Variants in SPDYA observed in about 807,000 individuals in gnomAD.
The protein encoded by SPDYA is speedy protein A.
Under a neutral mutation model 36.7 loss-of-function variants are expected in SPDYA, and 11 were observed. That is an observed-to-expected ratio of 0.30 (90% CI 0.19 to 0.50). SPDYA has a LOEUF of 0.50. Ranked by LOEUF, SPDYA falls within the 20% of genes least tolerant of loss-of-function variation. The pLI is 0.98. For missense variants in SPDYA, 287 were observed against 370.9 expected (o/e 0.77, Z 1.86); for synonymous variants, 115 against 118.7 (o/e 0.97, Z 0.20).
Position 28,815,980 on chromosome 2 carries a change from A to G in SPDYA, c.-18-17A>G, listed in dbSNP as rs1339273017. Reference sequence around the variant, plus strand: ...ATGAATGTGTGTGATGAATAATTGTATGTTTTATTTTTACAGGAATATTGG... The same window carrying G: ...ATGAATGTGTGTGATGAATAATTGTGTGTTTTATTTTTACAGGAATATTGG... On this transcript the variant is annotated splice_polypyrimidine_tract_variant and intron_variant, in intron 2 of 7. Transcript: ENST00000334056. 2 of 1,499,780 alleles carry G rather than the reference A, an allele frequency of 1.3e-6. No homozygotes were observed. Among genetic ancestry groups the G allele is most frequent in the East Asian group, 4.5e-5 (2 of 44,254 alleles). The allele number at this position is 1,499,780 out of a possible 1,614,324, so 92.9% of individuals were successfully genotyped here.
chr2:28,826,803 A>T (rs1237970568), intron 5 of SPDYA, among the ~76,000 whole-genome samples: 1 of 149,904 alleles, frequency 6.7e-6, no homozygotes, highest in East Asian at 2.0e-4. Context: ...TTTTGTAGAG[A>T]TGGGGTTTCT....
intron 4 of SPDYA, 29 bp from the exon 5 acceptor site, chr2:28,822,296 A>T: frequency 9.1e-7 from 1 of 1,096,372 alleles, no homozygotes; most frequent in African/African-American, 1.6e-5. Context: ...CAAAACATTA[A>T]TATTAATTTT....
intron 1 of SPDYA, among the ~76,000 whole-genome samples, chr2:28,812,469 A>G (rs76346420): frequency 6.7e-5 from 10 of 149,158 alleles, no homozygotes; most frequent in Admixed American, 2.0e-4. Context: ...TACCAAAAAA[A>G]AAAGAAAGAA....
In SPDYA at chr2:28,843,577, G is replaced by C. The variant is rs1479980538; in HGVS notation, c.850+3108G>C. 2.0e-5 allele frequency among the ~76,000 whole-genome samples: 3 copies of C among 148,596 alleles called. 1 individual carries two copies. The highest frequency in any genetic ancestry group is 2.0e-4 in the Admixed American group (3 of 14,870). On this transcript the variant is annotated intron_variant, in intron 7 of 7. Transcript: ENST00000334056. ...AAAAAAAAAAAAAAAATTGACTTTT[G>C]GGAAAGATAGATGAAGCATTCTTTT...
intron 4 of SPDYA, among the ~76,000 whole-genome samples, chr2:28,819,471 G>T (rs747118484): frequency 5.3e-5 from 8 of 151,984 alleles, no homozygotes; most frequent in Non-Finnish European, 1.2e-4. Context: ...TTGTGCCACT[G>T]CATTCCAGCT....
At chr2:28,848,355 A>C (rs1328709674) in intron 7 of SPDYA, among the ~76,000 whole-genome samples, 1 of 152,168 alleles carries the variant, frequency 6.6e-6, no homozygotes, top group East Asian at 1.9e-4. Flanking sequence ...GCATGGCCTC[A>C]TCCCCATCTA....
At chr2:28,818,555 T>G (rs1558321640) in intron 3 of SPDYA, among the ~76,000 whole-genome samples, 1 of 152,164 alleles carries the variant, frequency 6.6e-6, no homozygotes, top group Non-Finnish European at 1.5e-5. Flanking sequence ...TTTTAGCCCT[T>G]TAGAATTGAA....
intron 3 of SPDYA, among the ~76,000 whole-genome samples, chr2:28,818,534 G>A (rs553499751): frequency 2.6e-4 from 40 of 151,408 alleles, no homozygotes; most frequent in African/African-American, 9.0e-4. Context: ...AATGTATTTT[G>A]AGATTATATA....
At chr2:28,827,595 A>G (rs552895559) in intron 5 of SPDYA, among the ~76,000 whole-genome samples, 38 of 152,182 alleles carry the variant, frequency 2.5e-4, no homozygotes, top group African/African-American at 8.9e-4. Context: ...ACTATTTCCA[A>G]TGAGAAATCT....
chr2:28,821,574 C>G (rs1668169963), intron 4 of SPDYA, among the ~76,000 whole-genome samples: 1 of 152,146 alleles, frequency 6.6e-6, no homozygotes, highest in Non-Finnish European at 1.5e-5. Context: ...GGAAAAGTAA[C>G]TACCTGGAGT....
chr2:28,839,612 C>T (rs1359130853), intron 6 of SPDYA, among the ~76,000 whole-genome samples: 1 of 152,188 alleles, frequency 6.6e-6, no homozygotes, highest in Admixed American at 6.5e-5. Flanking sequence ...CGCCATTCTC[C>T]TGCCTCAGCC....
chr2:28,822,556 T>C (rs1668194307), intron 5 of SPDYA, 146 bp downstream of exon 5: 1 of 388,834 alleles, frequency 2.6e-6, no homozygotes, highest in Admixed American at 4.6e-5. Context: ...TTTAATAGGA[T>C]ATTTTTATGT....
chr2:28,826,230 AG>A lies in SPDYA; in HGVS notation c.381-2916del, dbSNP rs1180114869. Among the ~76,000 whole-genome samples, 4 of 151,780 alleles carry A rather than the reference AG, an allele frequency of 2.6e-5. No homozygotes were observed. The East Asian group carries it at 7.8e-4, about 30-fold the overall frequency. On this transcript the variant is annotated intron_variant, in intron 5 of 7. Coordinates refer to ENST00000334056, the MANE Select transcript of SPDYA (RefSeq NM_182756.4). ...TGGCTCACTGCAACCTCTGCCACCC[AG>A]GTTTAAGCAATCCTTCCACCTCAAT...
At chr2:28,842,669 T>C (rs889194189) in intron 7 of SPDYA, among the ~76,000 whole-genome samples, 2 of 152,140 alleles carry the variant, frequency 1.3e-5, no homozygotes, top group Non-Finnish European at 2.9e-5. Flanking sequence ...TATTAACCCA[T>C]GGTTAACTGT....
chr2:28,826,597 TTCTTTCTTTC>T (rs1668325984), intron 5 of SPDYA, among the ~76,000 whole-genome samples: 2 of 148,694 alleles, frequency 1.3e-5, no homozygotes, highest in Admixed American at 1.4e-4. Flanking sequence ...AATTTTCTTT[TTCTTTCTTTC>T]TCTCTTTTTT....
At chr2:28,848,056 T>C (rs982220369) in intron 7 of SPDYA, among the ~76,000 whole-genome samples, 4 of 152,190 alleles carry the variant, frequency 2.6e-5, no homozygotes, top group African/African-American at 9.7e-5. Flanking sequence ...ATGATGAAAC[T>C]GCCCAACTAT....
chr2:28,837,742 C>CTTTTTTTT (rs201687264), intron 6 of SPDYA, among the ~76,000 whole-genome samples: 1 of 132,596 alleles, frequency 7.5e-6, no homozygotes. Context: ...AGAGTCAGTG[C>CTTTTTTTT]TTTTTTTTTT....
At chr2:28,829,417 G>GTT (rs369022955) in intron 6 of SPDYA, 98 bp downstream of exon 6, 48,713 of 840,094 alleles carry the variant, frequency 0.058, 1 homozygote, top group Non-Finnish European at 0.067. Context: ...GGTATTCTGG[G>GTT]TTTTTTTTTT....
intron 7 of SPDYA, among the ~76,000 whole-genome samples, chr2:28,848,519 T>C (rs1035921235): frequency 6.6e-6 from 1 of 152,216 alleles, no homozygotes; most frequent in Non-Finnish European, 1.5e-5. Context: ...CTTGTACTTC[T>C]TTGGGGGGAA....
Sources: allele counts gnomAD v4.1 joint callset (sites outside exome capture counted in the v4.1 genomes callset), GRCh38; gene constraint gnomAD v4.1.1; transcripts MANE v1.5; gene names NCBI Gene and HGNC (gene_info 2026-07-23, HGNC 2026-07-21).